STARD13: variants seen among roughly 807,000 people sequenced by gnomAD.
STARD13 encodes the protein StAR related lipid transfer domain containing 13, also known as stAR-related lipid transfer protein 13.
A neutral mutation model predicts 106.4 loss-of-function variants in STARD13; 62 were observed. The observed-to-expected ratio is 0.58, with a 90% confidence interval of 0.48 to 0.72. The LOEUF is 0.72. Among genes scored for constraint, STARD13 ranks in the 30% least tolerant of loss-of-function variants. STARD13 has a pLI of 0.00. For synonymous variants in STARD13, 565 were observed against 553.0 expected (o/e 1.02, Z -0.31); for missense variants, 1,387 against 1,424.0 (o/e 0.97, Z 0.42).
intron 3 of STARD13, among the ~76,000 whole-genome samples, chr13:33,143,217 G>T (rs1880074392): frequency 6.6e-6 from 1 of 152,154 alleles, no homozygotes; most frequent in African/African-American, 2.4e-5. Flanking sequence ...AATACATTTT[G>T]ATTTTCACCC....
At chr13:33,653,979 A>T in the STARD13 span, among the ~76,000 whole-genome samples, 1 of 152,266 alleles carries the variant, frequency 6.6e-6, no homozygotes, top group Non-Finnish European at 1.5e-5. Flanking sequence ...CCACAATGAG[A>T]TACCACTTCA....
chr13:33,547,940 A>T, the STARD13 span, among the ~76,000 whole-genome samples: 5 of 152,198 alleles, frequency 3.3e-5, no homozygotes, highest in Non-Finnish European at 7.4e-5. Context: ...TAGTTATTGA[A>T]CAATGCCAAT....
At chr13:33,427,887 A>G in the STARD13 span, among the ~76,000 whole-genome samples, 6,673 of 151,236 alleles carry the variant, frequency 0.044, 486 homozygotes, top group African/African-American at 0.15. Context: ...CCCGGGAGGC[A>G]GAGGTTGTGG....
the STARD13 span, among the ~76,000 whole-genome samples, chr13:33,673,918 T>A: frequency 6.6e-6 from 1 of 151,426 alleles, no homozygotes; most frequent in Non-Finnish European, 1.5e-5. Flanking sequence ...TGGAGTGCAG[T>A]GGTGCGATCT....
chr13:33,113,406 G>A (rs1184945318), intron 8 of STARD13: 2 of 432,946 alleles, frequency 4.6e-6, no homozygotes, highest in Non-Finnish European at 9.3e-6. Flanking sequence ...CAGTAGCCTC[G>A]CCTTGCGTTT....
intron 1 of STARD13, among the ~76,000 whole-genome samples, chr13:33,197,416 T>TTGTG (rs142681141): frequency 0.13 from 19,236 of 147,610 alleles, 2,013 homozygotes; most frequent in African/African-American, 0.29. Context: ...AGGAAGAGAG[T>TTGTG]TGTGTGTGTG....
the STARD13 span, among the ~76,000 whole-genome samples, chr13:33,545,375 G>A: frequency 6.6e-6 from 1 of 152,322 alleles, no homozygotes; most frequent in South Asian, 2.1e-4. Flanking sequence ...GATTACAGGC[G>A]TGAGCCACTG....
chr13:33,567,288 G>A, the STARD13 span, among the ~76,000 whole-genome samples: 1 of 148,518 alleles, frequency 6.7e-6, no homozygotes, highest in Admixed American at 6.9e-5. Context: ...GGAGAGGACA[G>A]TAAAGAATCA....
chr13:33,559,504 T>G, the STARD13 span, among the ~76,000 whole-genome samples: 1 of 151,432 alleles, frequency 6.6e-6, no homozygotes, highest in Non-Finnish European at 1.5e-5. Flanking sequence ...TGGGAGGCAA[T>G]GAGGTTTAGA....
chr13:33,523,702 C>T, the STARD13 span, among the ~76,000 whole-genome samples: 1 of 151,974 alleles, frequency 6.6e-6, no homozygotes, highest in Admixed American at 6.6e-5. Flanking sequence ...AAAATATACC[C>T]CAAAATGCAA....
At chr13:33,553,426 T>C in the STARD13 span, among the ~76,000 whole-genome samples, 1 of 151,898 alleles carries the variant, frequency 6.6e-6, no homozygotes, top group Non-Finnish European at 1.5e-5. Flanking sequence ...TAAAGGTATA[T>C]AAATAGTGTG....
At chr13:33,105,870 G>C (rs1450830462) in intron 13 of STARD13, among the ~76,000 whole-genome samples, 160 bp from the exon 14 acceptor site, 1 of 152,270 alleles carries the variant, frequency 6.6e-6, no homozygotes, top group Non-Finnish European at 1.5e-5. Context: ...TCTGCCATCA[G>C]GGGCCTTGAA....
the STARD13 span, among the ~76,000 whole-genome samples, chr13:33,458,857 G>A: frequency 8.6e-6 from 1 of 116,724 alleles, no homozygotes; most frequent in Non-Finnish European, 1.6e-5. Flanking sequence ...GTCTCACTCT[G>A]TTGCCCAGGC....
At chr13:33,328,763 T>C (rs771458591) in intron 1 of STARD13, among the ~76,000 whole-genome samples, 4 of 152,172 alleles carry the variant, frequency 2.6e-5, no homozygotes, top group Non-Finnish European at 4.4e-5. Context: ...GAGTTATCAG[T>C]GGAGGTAGGC....
intron 1 of STARD13, among the ~76,000 whole-genome samples, chr13:33,321,508 A>G (rs79673871): frequency 0.06 from 8,178 of 135,688 alleles, 307 homozygotes; most frequent in Middle Eastern, 0.12. Context: ...CGTCTCAGGG[A>G]AAAAAAAAAA....
chr13:33,608,812 C>T, the STARD13 span, among the ~76,000 whole-genome samples: 8 of 152,156 alleles, frequency 5.3e-5, no homozygotes, highest in African/African-American at 1.9e-4. Flanking sequence ...ACAGGCTGGG[C>T]CCGATGGCTC....
At chr13:33,667,152 T>C in the STARD13 span, among the ~76,000 whole-genome samples, 2 of 152,236 alleles carry the variant, frequency 1.3e-5, no homozygotes, top group East Asian at 3.8e-4. Flanking sequence ...ATTTCTGTTA[T>C]CTCTGTTTAA....
At chr13:33,126,351 G>A in intron 6 of STARD13, 111 bp from the exon 7 acceptor site, 1 of 1,021,178 alleles carries the variant, frequency 9.8e-7, no homozygotes, top group Non-Finnish European at 1.5e-6. Flanking sequence ...CCCAACAGAT[G>A]CGGGGTGAAT....
At chr13:33,347,293 T>C (rs898986380), downstream of STARD13, among the ~76,000 whole-genome samples, 2 of 152,206 alleles carry the variant, frequency 1.3e-5, no homozygotes, top group Non-Finnish European at 2.9e-5. Flanking sequence ...TGGAGTGCAG[T>C]GGCACAATCT....
Sources: gnomAD v4.1 joint callset for allele counts (sites outside exome capture counted in the v4.1 genomes callset) on GRCh38, gnomAD v4.1.1 for gene constraint, MANE v1.5 for transcripts, NCBI Gene and HGNC (gene_info 2026-07-23, HGNC 2026-07-21) for gene names.